The following METTL15 variants were observed in gnomAD, a reference collection of about 807,000 sequenced individuals.
METTL15 encodes methyltransferase 15, mitochondrial 12S rRNA N4-cytidine.
In METTL15, 34 loss-of-function variants were observed where a neutral mutation model predicts 38.3. That is an observed-to-expected ratio of 0.89 (90% CI 0.68 to 1.18). The LOEUF (loss-of-function observed/expected upper bound fraction) is 1.18, where lower values mean the gene tolerates loss of function less well. METTL15 is among the 50% of genes most tolerant of loss of function. METTL15 has a pLI of 0.00. For missense variants in METTL15, 438 were observed against 498.4 expected (o/e 0.88, Z 1.15); for synonymous variants, 162 against 170.9 (o/e 0.95, Z 0.41).
intron 6 of METTL15, chr11:28,517,016 A>C (rs1197913294): frequency 6.6e-6 from 1 of 152,226 alleles, no homozygotes; most frequent in African/African-American, 2.4e-5. Flanking sequence ...AAGACCTCAG[A>C]TTGTATCCTT....
chr11:28,292,816 T>C (rs531832413), intron 5 of METTL15, among the ~76,000 whole-genome samples: 17 of 152,362 alleles, frequency 1.1e-4, no homozygotes, highest in Non-Finnish European at 2.1e-4. Context: ...CTAGTGATGA[T>C]GAGCATTTTT....
intron 3 of METTL15, among the ~76,000 whole-genome samples, chr11:28,210,326 T>TAACAATTAGGCAGGTGGTGATGACG (rs1167626545): frequency 3.3e-5 from 5 of 151,974 alleles, no homozygotes; most frequent in African/African-American, 9.7e-5. Context: ...TATGTTACCT[T>TAACAATTAGGCAGGTGGTGATGACG]AACAATTAGG....
At chr11:28,274,065 C>A (rs1296967910) in intron 4 of METTL15, among the ~76,000 whole-genome samples, 1 of 151,932 alleles carries the variant, frequency 6.6e-6, no homozygotes, top group Non-Finnish European at 1.5e-5. Flanking sequence ...TAAAACTCAG[C>A]AAATGGAAGG....
chr11:28,187,171 T>C (rs549269140), intron 3 of METTL15, among the ~76,000 whole-genome samples: 1 of 151,404 alleles, frequency 6.6e-6, no homozygotes, highest in African/African-American at 2.4e-5. Context: ...TAACTAAATT[T>C]ATCCAGTAAT....
rs181146843 is a variant in METTL15, at chr11:28,422,439, A to G, written c.*359-1860A>G. Among the ~76,000 whole-genome samples, 212 of 152,242 alleles carry G rather than the reference A, an allele frequency of 1.4e-3. 1 individual carries two copies. The highest frequency in any genetic ancestry group is 8.1e-3 in the Admixed American group (124 of 15,288). Reference sequence around the variant, plus strand: ...GTTATGTTGCTTCACTTCAAATTACACTACAGAGCTATAGTAACAAAAACA... The same window carrying G: ...GTTATGTTGCTTCACTTCAAATTACGCTACAGAGCTATAGTAACAAAAACA... On this transcript the variant is annotated intron_variant and NMD_transcript_variant, in intron 5 of 7. Transcript: ENST00000532947.
At chr11:28,380,085 A>G (rs990587758) in intron 5 of METTL15, among the ~76,000 whole-genome samples, 4 of 150,460 alleles carry the variant, frequency 2.7e-5, no homozygotes, top group Non-Finnish European at 5.9e-5. Context: ...TTTTTAGTCT[A>G]TGTGTATCTT....
At chr11:28,431,746 C>T (rs1372933482) in intron 6 of METTL15, among the ~76,000 whole-genome samples, 1 of 99,258 alleles carries the variant, frequency 1.0e-5, no homozygotes, top group African/African-American at 4.0e-5. Flanking sequence ...GCCAAATCCC[C>T]CTCTGTGAGA....
intron 5 of METTL15, among the ~76,000 whole-genome samples, chr11:28,386,767 TA>T (rs1383552390): frequency 1.3e-5 from 2 of 151,978 alleles, no homozygotes; most frequent in Non-Finnish European, 2.9e-5. Flanking sequence ...GTACATTCTT[TA>T]ATACACACAG....
chr11:28,288,581 A>G (rs1856383009), intron 4 of METTL15, among the ~76,000 whole-genome samples: 1 of 152,090 alleles, frequency 6.6e-6, no homozygotes, highest in African/African-American at 2.4e-5. Flanking sequence ...CAAATACCAC[A>G]TGCTCGTGGT....
At chr11:28,203,182 C>T (rs1244214086) in intron 3 of METTL15, among the ~76,000 whole-genome samples, 1 of 151,944 alleles carries the variant, frequency 6.6e-6, no homozygotes, top group African/African-American at 2.4e-5. Context: ...TCCATGGGTC[C>T]TGATTGCTCT....
chr11:28,352,506 G>A (rs901903056), intron 4 of METTL15, among the ~76,000 whole-genome samples: 3 of 152,160 alleles, frequency 2.0e-5, no homozygotes, highest in Non-Finnish European at 4.4e-5. Flanking sequence ...GTCCAGGAGG[G>A]AAAGAACAAA....
At position 28,135,691 on chromosome 11, in the gene METTL15, C is replaced by T. The variant is rs536656149; in HGVS notation, c.270+22087C>T. Reference sequence around the variant, plus strand: ...GCATAGATGCAAATAACTATATTGCCGTAAGTTAAAGAATACTCACAAATA... The same window carrying T: ...GCATAGATGCAAATAACTATATTGCTGTAAGTTAAAGAATACTCACAAATA... On this transcript the variant is annotated intron_variant, in intron 3 of 6. Transcript: ENST00000407364. Among the ~76,000 whole-genome samples, 208 of 152,232 alleles carry T rather than the reference C, an allele frequency of 1.4e-3. 3 individuals are homozygous for T. The highest frequency in any genetic ancestry group is 3.7e-3 in the African/African-American group (154 of 41,552).
At chr11:28,510,588 A>C (rs1224948675) in intron 6 of METTL15, among the ~76,000 whole-genome samples, 1 of 152,244 alleles carries the variant, frequency 6.6e-6, no homozygotes, top group Admixed American at 6.5e-5. Context: ...GTCAGACATT[A>C]TGTTGATGAT....
At chr11:28,232,316 T>G (rs1482133544) in intron 4 of METTL15, among the ~76,000 whole-genome samples, 2 of 151,830 alleles carry the variant, frequency 1.3e-5, no homozygotes, top group African/African-American at 4.8e-5. Context: ...CCACTTGCAG[T>G]CCTGTGCCAA....
chr11:28,291,031 G>A (rs1856491205), intron 5 of METTL15, among the ~76,000 whole-genome samples: 1 of 150,246 alleles, frequency 6.7e-6, no homozygotes, highest in African/African-American at 2.5e-5. Flanking sequence ...TTCTAGGAAA[G>A]TGTAGAAATA....
intron 3 of METTL15, among the ~76,000 whole-genome samples, chr11:28,147,916 C>T (rs767776099): frequency 6.6e-6 from 1 of 151,870 alleles, no homozygotes; most frequent in South Asian, 2.1e-4. Flanking sequence ...GTTTAATGCT[C>T]TATCTAACTT....
chr11:28,342,650 T>C (rs1455807192), intron 3 of METTL15, among the ~76,000 whole-genome samples: 1 of 152,220 alleles, frequency 6.6e-6, no homozygotes, highest in Non-Finnish European at 1.5e-5. Context: ...GGATTTCTGT[T>C]ATTTATAACC....
chr11:28,380,001 T>G (rs1411456202), intron 5 of METTL15, among the ~76,000 whole-genome samples: 1 of 152,162 alleles, frequency 6.6e-6, no homozygotes. Context: ...CTAGTATATT[T>G]TATCTGATAT....
intron 3 of METTL15, among the ~76,000 whole-genome samples, chr11:28,341,397 A>G (rs1590339270): frequency 6.6e-6 from 1 of 152,320 alleles, no homozygotes; most frequent in South Asian, 2.1e-4. Context: ...GTTTAATTCT[A>G]GGTGGAGGGA....
Sources: allele counts gnomAD v4.1 joint callset (sites outside exome capture counted in the v4.1 genomes callset), GRCh38; gene constraint gnomAD v4.1.1; transcripts MANE v1.5; gene names NCBI Gene and HGNC (gene_info 2026-07-23, HGNC 2026-07-21).